Variants in PSMC3IP observed in about 807,000 individuals in gnomAD.
The protein encoded by PSMC3IP is PSMC3 interacting protein.
Under a neutral mutation model 34.9 loss-of-function variants are expected in PSMC3IP, and 26 were observed. The observed-to-expected ratio is 0.74, with a 90% CI of 0.55 to 1.03. The LOEUF (loss-of-function observed/expected upper bound fraction) is 1.03. Ranked by LOEUF, PSMC3IP falls within the 50% of genes least tolerant of loss-of-function variation. PSMC3IP has a pLI of 0.00. For missense variants in PSMC3IP, 250 were observed against 263.1 expected, an observed-to-expected ratio of 0.95 and a Z score of 0.34; for synonymous variants, 87 against 96.5, an observed-to-expected ratio of 0.90 and a Z score of 0.57.
chr17:42,575,996 G>T (rs2093073055), intron 3 of PSMC3IP, among the ~76,000 whole-genome samples: 1 of 152,160 alleles, frequency 6.6e-6, no homozygotes, highest in Non-Finnish European at 1.5e-5. Flanking sequence ...ACTCCAGCCT[G>T]GGTGACAGAG....
In PSMC3IP at chr17:42,574,157, G is replaced by A. The variant is rs188851051; in HGVS notation, c.279C>T (p.Ile93=). 9.3e-6 allele frequency: 15 copies of A among 1,614,162 alleles called. No homozygotes were observed. In the East Asian group the frequency reaches 1.1e-4, roughly 12 times the overall value. Residue 93 remains isoleucine (I), a synonymous_variant, in exon 4 of 8, where the codon ATC becomes ATT. Transcript: ENST00000393795. Reference sequence around the variant, plus strand: ...TCTGCACCTTAGCAGTGAGGGCCACGATTTTGCCATCTAGGACTTGAAGGT... The same window carrying A: ...TCTGCACCTTAGCAGTGAGGGCCACAATTTTGCCATCTAGGACTTGAAGGT... ...DADLQVLDGK[I]VALTAKVQSL...
chr17:42,573,245 C>T (rs187232989), intron 6 of PSMC3IP, 66 bp downstream of exon 6: 26 of 1,614,034 alleles, frequency 1.6e-5, no homozygotes, highest in Admixed American at 6.7e-5. Flanking sequence ...TGTGTAGCGG[C>T]TGATCTGGTG....
intron 4 of PSMC3IP, chr17:42,573,866 TG>T: frequency 6.5e-7 from 1 of 1,531,834 alleles, no homozygotes. Context: ...AAGGGAAACG[TG>T]GGGACAGTGT....
In PSMC3IP at chr17:42,573,488, T is replaced by A. The variant is rs746385790; in HGVS notation, c.473A>T (p.Glu158Val). 1 of 1,614,128 alleles carries A rather than the reference T, an allele frequency of 6.2e-7. No individual in the cohort carries two copies. The highest frequency in any genetic ancestry group is 8.5e-7 in the Non-Finnish European group (1 of 1,180,062). Reference sequence around the variant, plus strand: ...AGCCTTCCAGCTCACCTGCTCTTTCTCTTCTGGAGTCACATGATTGGTAGC... The same window carrying A: ...AGCCTTCCAGCTCACCTGCTCTTTCACTTCTGGAGTCACATGATTGGTAGC... ...KAATNHVTPE[E>V]KEQVYRERQK... Residue 158 changes from glutamate to valine, a missense_variant, in exon 5 of 8, where the codon GAG becomes GTG. By Grantham distance (121) the Glu-to-Val change is moderately radical. Transcript: ENST00000393795.
In PSMC3IP at chr17:42,577,472, G is replaced by C. The variant is rs2093083335; in HGVS notation, c.124C>G (p.Leu42Val). The part of the protein sequence containing the change: ...VFGNLQREHG[L>V]GKAVVVKTLE... ...GAGAAGGTCCTCACCGCCTTGCCCA[G>C]TCCGTGTTCCCGCTGTAGGTTCCCG... The change falls in exon 2 of 8, where the codon CTG becomes GTG. Residue 42 changes from leucine (L) to valine (V), a missense_variant. Transcript: ENST00000393795. 5 of 1,614,026 alleles carry C rather than the reference G, an allele frequency of 3.1e-6. No homozygotes were observed. Among genetic ancestry groups the C allele is most frequent in the Non-Finnish European group, 4.2e-6 (5 of 1,180,014 alleles).
intron 5 of PSMC3IP, 30 bp from the exon 6 acceptor site, chr17:42,573,394 C>A (rs2093050080): frequency 1.2e-6 from 2 of 1,614,212 alleles, no homozygotes; most frequent in Admixed American, 3.3e-5. Context: ...TCCTCTAACT[C>A]CTCAGAACCA....
intron 3 of PSMC3IP, 186 bp downstream of exon 3, chr17:42,577,027 T>C (rs932010591): frequency 1.7e-5 from 23 of 1,383,624 alleles, no homozygotes; most frequent in Non-Finnish European, 2.1e-5. Context: ...ATCCATCATA[T>C]TGTAAATCTG....
rs115270305 is a variant in PSMC3IP at position 42,576,785 on chromosome 17, G to T, written c.225+428C>A. The T allele has an allele frequency of 1.8e-5, 5 of 283,156 alleles. No homozygotes were observed. The East Asian group carries it at 2.8e-4, about 16-fold the overall frequency. 17.5% of individuals were successfully genotyped at this position (283,156 alleles called of 1,614,324 possible). A position where few individuals can be genotyped will look rare whatever the true frequency, so the allele number is the denominator to read the frequency against. ...TGTTAGAAAGAAACCAGTCCGGGGT[G>T]GGGGGAAGATGAGGCATTCTACTGT... On this transcript the variant is annotated intron_variant, in intron 3 of 7. Transcript: ENST00000393795.
chr17:42,577,604 C>T, intron 1 of PSMC3IP, 43 bp from the exon 2 acceptor site: 1 of 1,614,204 alleles, frequency 6.2e-7, no homozygotes, highest in South Asian at 1.1e-5. Context: ...CAACCGACCT[C>T]CTCACCCACT....
Position 42,572,560 on chromosome 17 carries a change from G to A in PSMC3IP, c.*408C>T, listed in dbSNP as rs758758619. 4.4e-6 allele frequency: 2 copies of A among 453,122 alleles called. No individual in the cohort carries two copies. The highest frequency in any genetic ancestry group is 4.4e-6 in the Non-Finnish European group (1 of 226,390). The allele number at this position is 453,122 out of a possible 1,614,324, so 28.1% of individuals were successfully genotyped here. On this transcript the variant is annotated 3_prime_UTR_variant, in exon 8 of 8. Transcript: ENST00000393795. ...GAGTGAAGCCGTGGGCCCTCCAAATGCTCGTTTTATAGCAACCTCTCTCTA... is the reference window on the plus strand; with the variant it reads ...GAGTGAAGCCGTGGGCCCTCCAAATACTCGTTTTATAGCAACCTCTCTCTA...
In PSMC3IP at chr17:42,577,533, C is replaced by T. The variant is rs1227725106; in HGVS notation, c.63G>A (p.Gln21=). The part of the protein sequence containing the change: ...GAAGILLRYL[Q]EQNRPYSSQD... ...GGGAGCTGTAGGGCCGGTTCTGCTC[C>T]TGCAGGTACCTCAGGAGGATCCCGG... Residue 21 remains glutamine (Q), a synonymous_variant, in exon 2 of 8, where the codon CAG becomes CAA. Transcript: ENST00000393795. 1.9e-6 allele frequency: 3 copies of T among 1,614,210 alleles called. No homozygotes were observed. In the South Asian group the frequency reaches 3.3e-5, roughly 18 times the overall value.
At chr17:42,573,084 AG>A in intron 7 of PSMC3IP, 22 bp downstream of exon 7, 1 of 1,614,172 alleles carries the variant, frequency 6.2e-7, no homozygotes, top group African/African-American at 1.3e-5. Flanking sequence ...AGGGAAGCAA[AG>A]AAGGAAGAGA....
upstream of PSMC3IP, chr17:42,577,806 G>A (rs760718172): frequency 8.1e-6 from 10 of 1,240,468 alleles, no homozygotes; most frequent in Admixed American, 1.9e-5. Flanking sequence ...CCTTCCGGAG[G>A]AGCAAAGCGA....
At chr17:42,573,879 C>G (rs1234680689) in intron 4 of PSMC3IP, 1 of 1,531,806 alleles carries the variant, frequency 6.5e-7, no homozygotes, top group Non-Finnish European at 8.7e-7. Flanking sequence ...GGACAGTGTA[C>G]TGATAATCGT....
intron 3 of PSMC3IP, among the ~76,000 whole-genome samples, chr17:42,576,032 C>A (rs2093073391): frequency 6.6e-6 from 1 of 151,814 alleles, no homozygotes; most frequent in Non-Finnish European, 1.5e-5. Flanking sequence ...ACAACAACAA[C>A]AACAACAATA....
chr17:42,576,252 T>C (rs574018107), intron 3 of PSMC3IP, among the ~76,000 whole-genome samples: 1 of 152,032 alleles, frequency 6.6e-6, no homozygotes, highest in African/African-American at 2.4e-5. Context: ...ATAATGAGGA[T>C]TGGTGAGGCC....
chr17:42,573,733 C>T lies in PSMC3IP; in HGVS notation c.338-110G>A. 4 of 1,535,232 alleles carry T rather than the reference C, an allele frequency of 2.6e-6. No homozygotes were observed. The South Asian group carries it at 4.7e-5, about 18-fold the overall frequency. On this transcript the variant is annotated intron_variant, in intron 4 of 7. Coordinates refer to ENST00000393795, the MANE Select transcript of PSMC3IP (RefSeq NM_016556.4). The stretch of plus-strand genomic sequence containing the variant: ...ACCTTGCTCTGGATCTATCATCTCA[C>T]ATGGAAACTAAGCCATACAGGATTA...
At chr17:42,577,000 A>G in intron 3 of PSMC3IP, 2 of 1,208,414 alleles carry the variant, frequency 1.7e-6, no homozygotes, top group Non-Finnish European at 2.3e-6. Context: ...GGTAGCAACA[A>G]TACAGAATCT....
chr17:42,573,586 C>T lies in PSMC3IP; in HGVS notation c.375G>A (p.Glu125=), dbSNP rs778491923. ...KELSSALTTP[E]MQKEIQELKK... is the part of the protein sequence containing the mutation. Reference sequence around the variant, plus strand: ...TTAACTCCTGGATTTCTTTCTGCATCTCTGGTGTGGTCAGGGCACTAGATA... The same window carrying T: ...TTAACTCCTGGATTTCTTTCTGCATTTCTGGTGTGGTCAGGGCACTAGATA... The change falls in exon 5 of 8, where the codon GAG becomes GAA. Residue 125 remains glutamate (E), a synonymous_variant. Coordinates refer to ENST00000393795, the MANE Select transcript of PSMC3IP (RefSeq NM_016556.4). 14 of 1,614,054 alleles carry T rather than the reference C, an allele frequency of 8.7e-6. No individual in the cohort carries two copies. Among genetic ancestry groups the T allele is most frequent in the South Asian group, 6.6e-5 (6 of 91,094 alleles).
Sources: allele counts gnomAD v4.1 joint callset (sites outside exome capture counted in the v4.1 genomes callset), GRCh38; gene constraint gnomAD v4.1.1; transcripts MANE v1.5; gene names NCBI Gene and HGNC (gene_info 2026-07-23, HGNC 2026-07-21).